The following CDH20 variants were observed in gnomAD, a reference collection of about 807,000 sequenced individuals.
The protein encoded by CDH20 is cadherin 20.
A neutral mutation model predicts 74.2 loss-of-function variants in CDH20; 29 were observed. That is an observed-to-expected ratio of 0.39 (90% CI 0.29 to 0.53). The LOEUF (loss-of-function observed/expected upper bound fraction) is 0.53, where lower values mean the gene tolerates loss of function less well. Among genes scored for constraint, CDH20 ranks in the 20% least tolerant of loss-of-function variants. The probability of loss-of-function intolerance (pLI) is 0.69; values close to 1 mark genes in which losing one functional copy is unlikely to be tolerated. For synonymous variants in CDH20, 469 were observed against 405.4 expected (o/e 1.16, Z -1.88); for missense variants, 988 against 1,048.3 (o/e 0.94, Z 0.79).
chr18:61,345,898 G>C (rs951342018), intron 1 of CDH20, among the ~76,000 whole-genome samples: 1 of 152,106 alleles, frequency 6.6e-6, no homozygotes, highest in Non-Finnish European at 1.5e-5. Context: ...AAGGAAACAG[G>C]GGTGCCACCC....
intron 1 of CDH20, among the ~76,000 whole-genome samples, chr18:61,458,073 T>C (rs1376265630): frequency 6.6e-6 from 1 of 152,178 alleles, no homozygotes; most frequent in Non-Finnish European, 1.5e-5. Context: ...TTCCTCTTCA[T>C]CCTGCCCCTT....
Position 61,555,447 on chromosome 18 carries a change from C to T in CDH20, c.*752C>T, listed in dbSNP as rs965586452. On this transcript the variant is annotated 3_prime_UTR_variant, in exon 12 of 12. Coordinates refer to ENST00000262717, the MANE Select transcript of CDH20 (RefSeq NM_031891.4). ...CCCTGCAAAATTGTTCAGAATGAAA[C>T]CAGAAAAATCTGCCTCTTTTGCACT... 6.1e-6 allele frequency: 6 copies of T among 985,288 alleles called. No individual in the cohort carries two copies. The Admixed American group carries it at 3.7e-4, about 61-fold the overall frequency. The allele number at this position is 985,288 out of a possible 1,614,324, so 61.0% of individuals were successfully genotyped here.
intron 1 of CDH20, among the ~76,000 whole-genome samples, chr18:61,485,030 T>C (rs1007584271): frequency 6.6e-6 from 1 of 152,110 alleles, no homozygotes; most frequent in African/African-American, 2.4e-5. Flanking sequence ...ACAGCTGAAC[T>C]TTTAGCCTCA....
intron 1 of CDH20, among the ~76,000 whole-genome samples, chr18:61,381,071 G>C (rs888929947): frequency 6.6e-6 from 1 of 152,154 alleles, no homozygotes; most frequent in Non-Finnish European, 1.5e-5. Context: ...GGACAGGGGT[G>C]TTTCTCATAT....
intron 6 of CDH20, among the ~76,000 whole-genome samples, chr18:61,518,775 C>A (rs1247989753): frequency 6.6e-6 from 1 of 151,216 alleles, no homozygotes; most frequent in African/African-American, 2.5e-5. Flanking sequence ...ATGAGTTTGA[C>A]AAACTGACAG....
At chr18:61,386,018 G>A (rs1911587466) in intron 1 of CDH20, among the ~76,000 whole-genome samples, 1 of 151,694 alleles carries the variant, frequency 6.6e-6, no homozygotes, top group Non-Finnish European at 1.5e-5. Flanking sequence ...TAGTAATTGA[G>A]TGTAATCTTA....
chr18:61,550,315 C>T (rs188963722), intron 11 of CDH20, 86 bp downstream of exon 11: 3 of 1,478,064 alleles, frequency 2.0e-6, no homozygotes, highest in Non-Finnish European at 2.8e-6. Flanking sequence ...CACAGCTATT[C>T]AGAACTGGTC....
intron 1 of CDH20, among the ~76,000 whole-genome samples, chr18:61,417,717 A>T (rs1485398548): frequency 6.6e-6 from 1 of 151,982 alleles, no homozygotes; most frequent in Non-Finnish European, 1.5e-5. Context: ...ATAGTTAGAT[A>T]GGAGGAGTAA....
chr18:61,409,029 C>T (rs998977861), intron 1 of CDH20, among the ~76,000 whole-genome samples: 34 of 152,300 alleles, frequency 2.2e-4, no homozygotes, highest in African/African-American at 7.7e-4. Flanking sequence ...GCATCTGACT[C>T]TGTATTTTTA....
At chr18:61,402,021 T>G (rs1912171760) in intron 1 of CDH20, among the ~76,000 whole-genome samples, 2 of 152,206 alleles carry the variant, frequency 1.3e-5, no homozygotes, top group Middle Eastern at 3.2e-3. Flanking sequence ...AAAGGTTGGT[T>G]TGTCTAAGGG....
intron 11 of CDH20, among the ~76,000 whole-genome samples, chr18:61,552,097 CT>C (rs1355220774): frequency 6.6e-6 from 1 of 152,098 alleles, no homozygotes; most frequent in Non-Finnish European, 1.5e-5. Context: ...ATTCATCAAA[CT>C]TTAAGATTTG....
At position 61,417,578 on chromosome 18, in the gene CDH20, T is replaced by TAAAAAAAAAAAAAAAAAAAAA. The variant is rs545256689; in HGVS notation, c.-152-72817_-152-72797dup. On this transcript the variant is annotated intron_variant, in intron 1 of 11. Transcript: ENST00000262717. The stretch of plus-strand genomic sequence containing the variant: ...TATGTTCTTACTCAGATGTGGGAGC[T>TAAAAAAAAAAAAAAAAAAAAA]AAAAAAAAAAAAAAAAAAAAAAAAA... Among the ~76,000 whole-genome samples the TAAAAAAAAAAAAAAAAAAAAA allele has an allele frequency of 1.3e-4, 8 of 62,344 alleles. 1 individual carries two copies. The highest frequency in any genetic ancestry group is 5.6e-4 in the African/African-American group (7 of 12,556). The allele number at this position is 62,344 out of a possible 152,430, so 40.9% of individuals were successfully genotyped here. A position where few individuals can be genotyped will look rare whatever the true frequency, so the allele number is the denominator to read the frequency against.
chr18:61,355,749 A>G (rs1910476057), intron 1 of CDH20, among the ~76,000 whole-genome samples: 1 of 152,238 alleles, frequency 6.6e-6, no homozygotes, highest in South Asian at 2.1e-4. Flanking sequence ...ATAAAATAAA[A>G]TTAAAAGATT....
At chr18:61,337,298 A>G (rs1356200597) in intron 1 of CDH20, among the ~76,000 whole-genome samples, 1 of 152,080 alleles carries the variant, frequency 6.6e-6, no homozygotes, top group Non-Finnish European at 1.5e-5. Flanking sequence ...TATGGGGAAA[A>G]TTTCTTGCCC....
intron 8 of CDH20, among the ~76,000 whole-genome samples, chr18:61,538,584 G>GTTTTTTTTTT (rs1568182044): frequency 9.0e-5 from 5 of 55,826 alleles, no homozygotes; most frequent in Admixed American, 1.9e-4. Flanking sequence ...ACTACTTTTT[G>GTTTTTTTTTT]TTTGTTTGTT....
intron 1 of CDH20, among the ~76,000 whole-genome samples, chr18:61,389,406 A>AG: frequency 6.6e-6 from 1 of 152,304 alleles, no homozygotes; most frequent in East Asian, 1.9e-4. Flanking sequence ...GAAGTTACAA[A>AG]TATTACATAC....
chr18:61,544,404 G>C (rs2144402674), intron 9 of CDH20, among the ~76,000 whole-genome samples: 1 of 152,354 alleles, frequency 6.6e-6, no homozygotes, highest in South Asian at 2.1e-4. Flanking sequence ...GGGCCAGTGT[G>C]ACAGCCTGAG....
intron 1 of CDH20, among the ~76,000 whole-genome samples, chr18:61,429,155 A>T (rs1913170939): frequency 6.6e-6 from 1 of 152,184 alleles, no homozygotes; most frequent in Non-Finnish European, 1.5e-5. Context: ...CCCTTGCTAC[A>T]GTCATGGTTC....
At chr18:61,390,125 C>A (rs576268186) in intron 1 of CDH20, among the ~76,000 whole-genome samples, 1 of 151,874 alleles carries the variant, frequency 6.6e-6, no homozygotes, top group East Asian at 1.9e-4. Context: ...AGCTCCACTG[C>A]TTCTGCCCTC....
Sources: allele counts gnomAD v4.1 joint callset (sites outside exome capture counted in the v4.1 genomes callset), GRCh38; gene constraint gnomAD v4.1.1; transcripts MANE v1.5; gene names NCBI Gene and HGNC (gene_info 2026-07-23, HGNC 2026-07-21).